The following ALDH16A1 variants were observed in gnomAD, a reference collection of about 807,000 sequenced individuals.
ALDH16A1 encodes aldehyde dehydrogenase 16 family member A1.
A neutral mutation model predicts 96.1 loss-of-function variants in ALDH16A1; 88 were observed. The observed-to-expected ratio is 0.92, with a 90% CI of 0.77 to 1.09. The LOEUF (loss-of-function observed/expected upper bound fraction) is 1.09, where lower values mean the gene tolerates loss of function less well. Among genes scored for constraint, ALDH16A1 ranks in the 50% least tolerant of loss-of-function variants. ALDH16A1 has a pLI of 0.00. For missense variants in ALDH16A1, 1,250 were observed against 1,112.6 expected, an observed-to-expected ratio of 1.12 and a Z score of -1.76; for synonymous variants, 522 against 496.4, an observed-to-expected ratio of 1.05 and a Z score of -0.69.
At chr19:49,454,496 C>G (rs993018608) in intron 1 of ALDH16A1, among the ~76,000 whole-genome samples, 7 of 152,130 alleles carry the variant, frequency 4.6e-5, no homozygotes, top group Non-Finnish European at 8.8e-5. Context: ...CCCTAGGACT[C>G]CCATGACCCC....
In ALDH16A1 at chr19:49,459,795, A is replaced by T. The variant is rs774527056; in HGVS notation, c.446A>T (p.His149Leu). The change falls in exon 4 of 17, where the codon CAT (histidine) becomes CTT (leucine). Residue 149 changes from histidine to leucine, a missense_variant. Transcript: ENST00000293350. The surrounding 1 kb of genome is among the most constrained non-coding windows in gnomAD (Gnocchi z 4.1). Reference sequence around the variant, plus strand: ...CTGGCCCAGCAGCTGCTCCACTACCATGCAATCCAGGCATCCACCCAGGAG... The same window carrying T: ...CTGGCCCAGCAGCTGCTCCACTACCTTGCAATCCAGGCATCCACCCAGGAG... ...VQLAQQLLHY[H>L]AIQASTQEEA... 2 of 1,613,410 alleles carry T rather than the reference A, an allele frequency of 1.2e-6. No individual in the cohort carries two copies. The highest frequency in any genetic ancestry group is 1.7e-6 in the Non-Finnish European group (2 of 1,179,898).
rs2122375392 is a variant in ALDH16A1, at chr19:49,459,046, A to G, written c.280A>G (p.Ser94Gly). ...AGCCAGGATGGCATTTAAGGGCTGG[A>G]GTGCGCACCCCGGCGTCGTCCGGGC... The part of the protein sequence containing the change: ...EAARMAFKGW[S>G]AHPGVVRAQH... The change falls in exon 3 of 17, where the codon AGT (serine) becomes GGT (glycine). Residue 94 changes from serine to glycine, a missense_variant. Physicochemically the swap from Ser to Gly is moderately conservative, Grantham distance 56. Transcript: ENST00000293350. This position sits in a 1 kb window ranked among gnomAD's most constrained non-coding sequence, Gnocchi z 4.1. The G allele has an allele frequency of 6.2e-7, 1 of 1,613,340 alleles. No individual in the cohort carries two copies. The highest frequency in any genetic ancestry group is 8.5e-7 in the Non-Finnish European group (1 of 1,180,010).
intron 14 of ALDH16A1, 68 bp downstream of exon 14, chr19:49,466,351 A>G: frequency 7.2e-7 from 1 of 1,397,196 alleles, no homozygotes; most frequent in East Asian, 2.6e-5. Context: ...AGGCTGTGAG[A>G]TAACCCAGGC....
rs1172711395 is a variant in ALDH16A1, at chr19:49,453,317, C to T, written c.-15C>T. The stretch of plus-strand genomic sequence containing the variant: ...AGCGCCCCGCAGTCTTCGCGGAAAG[C>T]GTTCGGGGTAGGCGATGGCTGCGAC... On this transcript the variant is annotated 5_prime_UTR_variant, in exon 1 of 17. Coordinates refer to ENST00000293350, the MANE Select transcript of ALDH16A1 (RefSeq NM_153329.4). The T allele has an allele frequency of 4.5e-6, 7 of 1,548,868 alleles. No homozygotes were observed. Among genetic ancestry groups the T allele is most frequent in the Non-Finnish European group, 6.1e-6 (7 of 1,148,570 alleles).
In ALDH16A1 at chr19:49,464,113, G is replaced by A. The variant is rs1453484491; in HGVS notation, c.1195-14G>A. On this transcript the variant is annotated splice_polypyrimidine_tract_variant and intron_variant, in intron 9 of 16. Coordinates refer to ENST00000293350, the MANE Select transcript of ALDH16A1 (RefSeq NM_153329.4). Reference sequence around the variant, plus strand: ...GGGCCCTGGAGGGCTGAGCCTCCCGGTCACCCCTTGCAGGTGCCGTGGCCT... The same window carrying A: ...GGGCCCTGGAGGGCTGAGCCTCCCGATCACCCCTTGCAGGTGCCGTGGCCT... The A allele has an allele frequency of 1.2e-6, 2 of 1,603,448 alleles. No homozygotes were observed. The highest frequency in any genetic ancestry group is 2.7e-5 in the African/African-American group (2 of 74,740).
chr19:49,462,698 T>G lies in ALDH16A1; in HGVS notation c.1041T>G (p.Ala347=), dbSNP rs769734893. ...CCGTGGACATGGGGGCCCGGGGGGC[T>G]GCCGCATGTGACCTGGTCCAGCGCT... ...DGAVDMGARG[A]AACDLVQRFV... Residue 347 remains alanine, a synonymous_variant, in exon 8 of 17, where the codon GCT becomes GCG. Coordinates refer to ENST00000293350, the MANE Select transcript of ALDH16A1 (RefSeq NM_153329.4). The G allele has an allele frequency of 6.2e-7, 1 of 1,607,410 alleles. No individual in the cohort carries two copies. The highest frequency in any genetic ancestry group is 8.5e-7 in the Non-Finnish European group (1 of 1,177,912).
chr19:49,466,656 C>T (rs767885808), intron 14 of ALDH16A1, among the ~76,000 whole-genome samples: 6 of 151,844 alleles, frequency 4.0e-5, no homozygotes, highest in South Asian at 2.1e-4. Context: ...GTCAGGAGAT[C>T]GAGACCAGCC....
At chr19:49,469,063 C>T (rs905250005) in intron 16 of ALDH16A1, 77 bp downstream of exon 16, 39 of 1,533,948 alleles carry the variant, frequency 2.5e-5, no homozygotes, top group African/African-American at 4.1e-5. Flanking sequence ...AACACAGCCC[C>T]GCCCTCTTAG....
Position 49,466,104 on chromosome 19 carries a change from G to C in ALDH16A1, c.1759G>C (p.Ala587Pro). 1 of 1,547,110 alleles carries C rather than the reference G, an allele frequency of 6.5e-7. No homozygotes were observed. Among genetic ancestry groups the C allele is most frequent in the Non-Finnish European group, 8.7e-7 (1 of 1,149,546 alleles). ...CAGCTGGGCGGGCCAGTCCCCAGGAGCCCGGGCAGCCCTGCTGTGGGCCCT... is the reference window on the plus strand; with the variant it reads ...CAGCTGGGCGGGCCAGTCCCCAGGACCCCGGGCAGCCCTGCTGTGGGCCCT... ...FPGWAGQSPG[A>P]RAALLWALAA... is the part of the protein sequence containing the mutation. Residue 587 changes from alanine to proline, a missense_variant, in exon 14 of 17, where the codon GCC becomes CCC. Ala to Pro is a conservative substitution (Grantham distance 27). Transcript: ENST00000293350.
intron 1 of ALDH16A1, among the ~76,000 whole-genome samples, chr19:49,454,353 C>G (rs1052665588): frequency 6.6e-6 from 1 of 152,076 alleles, no homozygotes; most frequent in Non-Finnish European, 1.5e-5. Context: ...TACTTATGGC[C>G]CCTCACAATA....
Position 49,469,190 on chromosome 19 carries a change from A to C in ALDH16A1, c.2247+204A>C, listed in dbSNP as rs2079224827. On this transcript the variant is annotated intron_variant, in intron 16 of 16. Coordinates refer to ENST00000293350, the MANE Select transcript of ALDH16A1 (RefSeq NM_153329.4). ...AGCAACAGGGGCCTGAGAGCTGCCT[A>C]GCCCAAAGACCTCGTCTCAGGGGAC... 4 of 656,044 alleles carry C rather than the reference A, an allele frequency of 6.1e-6. No individual in the cohort carries two copies. The South Asian group carries it at 9.1e-5, about 15-fold the overall frequency. The allele number at this position is 656,044 out of a possible 1,614,324, so 40.6% of individuals were successfully genotyped here.
In ALDH16A1 at chr19:49,468,308, T is replaced by C; in HGVS notation, c.1939-73T>C. On this transcript the variant is annotated intron_variant, in intron 14 of 16. Transcript: ENST00000293350. This position sits in a 1 kb window ranked among gnomAD's most constrained non-coding sequence, Gnocchi z 4.4. ...CCAACACCAAGTGTTGGGGAGAATGTAGAGGAACTGGATCTCTCATTTACT... is the reference window on the plus strand; with the variant it reads ...CCAACACCAAGTGTTGGGGAGAATGCAGAGGAACTGGATCTCTCATTTACT... 2 of 1,485,204 alleles carry C rather than the reference T, an allele frequency of 1.3e-6. No homozygotes were observed. Among genetic ancestry groups the C allele is most frequent in the Non-Finnish European group, 9.1e-7 (1 of 1,097,844 alleles). 92.0% of individuals were successfully genotyped at this position (1,485,204 alleles called of 1,614,324 possible). A position where few individuals can be genotyped will look rare whatever the true frequency, so the allele number is the denominator to read the frequency against.
At position 49,461,877 on chromosome 19, in the gene ALDH16A1, TC is replaced by T. The variant is rs750094575; in HGVS notation, c.760-4del. On this transcript the variant is annotated splice_region_variant and splice_polypyrimidine_tract_variant and intron_variant, in intron 6 of 16. Transcript: ENST00000293350. Reference sequence around the variant, plus strand: ...CCTCCTGCGGCTGAACTGGGGGGGGTCCCTAGGAAGGGCGTGCCCTTCGACG... The same window carrying T: ...CCTCCTGCGGCTGAACTGGGGGGGGTCCTAGGAAGGGCGTGCCCTTCGACG... 5 of 1,583,050 alleles carry T rather than the reference TC, an allele frequency of 3.2e-6. No homozygotes were observed. The Admixed American group carries it at 9.0e-5, about 29-fold the overall frequency.
Position 49,461,697 on chromosome 19 carries a change from C to G in ALDH16A1, c.656C>G (p.Pro219Arg). ...GCCCAGCTGGCGGGGGAGCTGGGCC[C>G]CTTCCCGGGAATCCTGAATGTCCTC... ...LLAQLAGELG[P>R]FPGILNVLSG... Residue 219 changes from proline to arginine, a missense_variant, in exon 6 of 17, where the codon CCC (proline) becomes CGC (arginine). Pro to Arg is a moderately radical substitution (Grantham distance 103). Coordinates refer to ENST00000293350, the MANE Select transcript of ALDH16A1 (RefSeq NM_153329.4). 2 of 1,608,888 alleles carry G rather than the reference C, an allele frequency of 1.2e-6. No homozygotes were observed. The highest frequency in any genetic ancestry group is 1.7e-6 in the Non-Finnish European group (2 of 1,177,842).
chr19:49,466,363 T>A, intron 14 of ALDH16A1, 80 bp downstream of exon 14: 1 of 1,372,898 alleles, frequency 7.3e-7, no homozygotes, highest in African/African-American at 1.5e-5. Context: ...AACCCAGGCT[T>A]GGAATTCGGG....
intron 1 of ALDH16A1, among the ~76,000 whole-genome samples, chr19:49,457,432 C>T (rs2079111310): frequency 6.6e-6 from 1 of 151,442 alleles, no homozygotes; most frequent in East Asian, 2.0e-4. Flanking sequence ...CATGTAGTCC[C>T]AGCTACTCGG....
chr19:49,470,253 T>A, intron 16 of ALDH16A1, 53 bp from the exon 17 acceptor site: 1 of 1,600,338 alleles, frequency 6.2e-7, no homozygotes, highest in Non-Finnish European at 8.5e-7. Flanking sequence ...AGGAAGCAGG[T>A]GCTCAGCAAC....
rs150960356 is a variant in ALDH16A1, at chr19:49,464,139, G to A, written c.1207G>A (p.Val403Met). The part of the protein sequence containing the change: ...PCAQVEVPWP[V>M]VVASPFRTAK... Reference sequence around the variant, plus strand: ...TCACCCCTTGCAGGTGCCGTGGCCTGTGGTCGTGGCCTCCCCCTTCCGCAC... The same window carrying A: ...TCACCCCTTGCAGGTGCCGTGGCCTATGGTCGTGGCCTCCCCCTTCCGCAC... The change falls in exon 10 of 17, where the codon GTG becomes ATG. Residue 403 changes from valine to methionine, a missense_variant. Transcript: ENST00000293350. 5 of 1,608,336 alleles carry A rather than the reference G, an allele frequency of 3.1e-6. No individual in the cohort carries two copies. The highest frequency in any genetic ancestry group is 2.2e-5 in the South Asian group (2 of 90,988).
In ALDH16A1 at chr19:49,468,134, A is replaced by T. The variant is rs985842983; in HGVS notation, c.1939-247A>T. On this transcript the variant is annotated intron_variant, in intron 14 of 16. Transcript: ENST00000293350. This position sits in a 1 kb window ranked among gnomAD's most constrained non-coding sequence, Gnocchi z 4.4. ...AAGATCGCACCACTGCACTCTAGCCAGGGCGACAGAGTGAGAGTCCGTCTC... is the reference window on the plus strand; with the variant it reads ...AAGATCGCACCACTGCACTCTAGCCTGGGCGACAGAGTGAGAGTCCGTCTC... Among the ~76,000 whole-genome samples the T allele has an allele frequency of 2.8e-5, 4 of 145,056 alleles. No homozygotes were observed. Among genetic ancestry groups the T allele is most frequent in the Admixed American group, 2.1e-4 (3 of 14,382 alleles).
Sources: gnomAD v4.1 joint callset for allele counts (sites outside exome capture counted in the v4.1 genomes callset) on GRCh38, gnomAD v4.1.1 for gene constraint, Gnocchi (gnomAD v3.1) non-coding constraint, MANE v1.5 for transcripts, NCBI Gene and HGNC (gene_info 2026-07-23, HGNC 2026-07-21) for gene names.